Variants in RSPO2 observed in about 807,000 individuals in gnomAD.
RSPO2 encodes R-spondin 2.
A neutral mutation model predicts 30.9 loss-of-function variants in RSPO2; 14 were observed. The ratio of observed to expected loss-of-function variants is 0.45; its 90% CI spans 0.30 to 0.71. The LOEUF is 0.71. Among genes scored for constraint, RSPO2 ranks in the 30% least tolerant of loss-of-function variants. The probability of loss-of-function intolerance (pLI) is 0.08; values close to 1 mark genes in which losing one functional copy is unlikely to be tolerated. For synonymous variants in RSPO2, 107 were observed against 96.4 expected (o/e 1.11, Z -0.64); for missense variants, 264 against 301.9 (o/e 0.87, Z 0.93).
In RSPO2 at chr8:107,900,969, TGG is replaced by T. The variant is rs1428905728; in HGVS notation, c.*104_*105del. On this transcript the variant is annotated 3_prime_UTR_variant, in exon 6 of 6. Coordinates refer to ENST00000276659, the MANE Select transcript of RSPO2 (RefSeq NM_178565.5). ...TCACCATGTTACTGGGAACAGATAC[TGG>T]GCAGAGCAGCACAAAGGCTGCACAC... The T allele has an allele frequency of 9.3e-6, 11 of 1,188,804 alleles. No homozygotes were observed. Among genetic ancestry groups the T allele is most frequent in the Admixed American group, 2.3e-5 (1 of 43,216 alleles). 73.6% of individuals were successfully genotyped at this position (1,188,804 alleles called of 1,614,324 possible). A position where few individuals can be genotyped will look rare whatever the true frequency, so the allele number is the denominator to read the frequency against.
intron 5 of RSPO2, among the ~76,000 whole-genome samples, chr8:107,908,290 G>C (rs924152057): frequency 6.6e-6 from 1 of 152,112 alleles, no homozygotes; most frequent in Non-Finnish European, 1.5e-5. Flanking sequence ...ATTTGGGCTT[G>C]TTTCTTAAAT....
intron 3 of RSPO2, among the ~76,000 whole-genome samples, chr8:107,972,992 C>T (rs1814053742): frequency 6.6e-6 from 1 of 152,076 alleles, no homozygotes; most frequent in African/African-American, 2.4e-5. Flanking sequence ...AGCTGGCGGC[C>T]GAGTGCGGTG....
chr8:108,051,913 G>A (rs1340715186), intron 2 of RSPO2, among the ~76,000 whole-genome samples: 1 of 152,162 alleles, frequency 6.6e-6, no homozygotes, highest in Non-Finnish European at 1.5e-5. Context: ...GGAGGGTGGT[G>A]GAGGCAGGGG....
intron 5 of RSPO2, among the ~76,000 whole-genome samples, chr8:107,943,586 T>C (rs996767742): frequency 8.5e-5 from 13 of 152,168 alleles, no homozygotes; most frequent in Admixed American, 2.6e-4. Context: ...ATGTTTCTGA[T>C]AAAGTAGAAG....
intron 5 of RSPO2, among the ~76,000 whole-genome samples, chr8:107,905,845 T>C (rs1467815738): frequency 6.6e-6 from 1 of 151,944 alleles, no homozygotes; most frequent in Non-Finnish European, 1.5e-5. Flanking sequence ...TATTTAAGAC[T>C]AGTGATTGTC....
At chr8:108,024,048 C>G (rs73321428) in intron 2 of RSPO2, among the ~76,000 whole-genome samples, 22 of 151,992 alleles carry the variant, frequency 1.4e-4, no homozygotes, top group African/African-American at 4.8e-4. Context: ...TGTCCAAATA[C>G]GGTGTGTCCC....
At chr8:107,911,905 AGG>A (rs1389296022) in intron 5 of RSPO2, among the ~76,000 whole-genome samples, 1 of 152,144 alleles carries the variant, frequency 6.6e-6, no homozygotes, top group South Asian at 2.1e-4. Context: ...AGGCTGGAGA[AGG>A]GCATCAGCCT....
At position 107,989,230 on chromosome 8, in the gene RSPO2, T is replaced by G. The variant is rs1814764502; in HGVS notation, c.109A>C (p.Asn37His). Residue 37 changes from asparagine (N) to histidine (H), a missense_variant, in exon 3 of 6, where the codon AAT (asparagine) becomes CAT (histidine). Asn to His is a moderately conservative substitution (Grantham distance 68, BLOSUM62 1). Coordinates refer to ENST00000276659, the MANE Select transcript of RSPO2 (RefSeq NM_178565.5). ...RRSKRASYVS[N>H]PICKGCLSCS... ...GACAAACAACCCTTGCAAATGGGAT[T>G]TGATACATAACTAGCTGTAAAAGAA... is the stretch of plus-strand genomic sequence containing the variant. The G allele has an allele frequency of 6.4e-7, 1 of 1,570,778 alleles. No individual in the cohort carries two copies. The highest frequency in any genetic ancestry group is 1.4e-5 in the African/African-American group (1 of 72,282).
intron 2 of RSPO2, among the ~76,000 whole-genome samples, chr8:108,060,776 G>C (rs533612955): frequency 6.6e-6 from 1 of 151,890 alleles, no homozygotes; most frequent in Admixed American, 6.5e-5. Flanking sequence ...GTTAAGGGCA[G>C]CCAGAGAGAA....
intron 5 of RSPO2, among the ~76,000 whole-genome samples, chr8:107,908,821 A>ATTCTCT (rs1811733808): frequency 2.0e-5 from 3 of 152,234 alleles, no homozygotes; most frequent in Non-Finnish European, 2.9e-5. Context: ...GATTTAGAGA[A>ATTCTCT]AAAGCATTAT....
intron 3 of RSPO2, among the ~76,000 whole-genome samples, chr8:107,973,513 GACACACACAGACACACACTCACACACAC>G (rs1563545528): frequency 3.7e-5 from 3 of 81,066 alleles, no homozygotes. Context: ...TACACACACA[GACACACACAGACACACACTCACACACAC>G]ACACACACAC....
chr8:108,012,957 A>G (rs868607797), intron 2 of RSPO2, among the ~76,000 whole-genome samples: 1 of 152,194 alleles, frequency 6.6e-6, no homozygotes, highest in Non-Finnish European at 1.5e-5. Flanking sequence ...GTCTTGCTAC[A>G]TTGGATCAGG....
At chr8:108,018,540 G>A (rs562550147) in intron 2 of RSPO2, among the ~76,000 whole-genome samples, 1 of 152,238 alleles carries the variant, frequency 6.6e-6, no homozygotes, top group African/African-American at 2.4e-5. Context: ...TCCAGCATTG[G>A]CTAAAATGTA....
chr8:108,013,475 G>T (rs1412711611), intron 2 of RSPO2, among the ~76,000 whole-genome samples: 1 of 152,102 alleles, frequency 6.6e-6, no homozygotes, highest in Non-Finnish European at 1.5e-5. Flanking sequence ...ACTGACTTAA[G>T]ACTACACTAA....
intron 5 of RSPO2, among the ~76,000 whole-genome samples, chr8:107,931,359 T>C (rs1188910974): frequency 6.6e-6 from 1 of 152,148 alleles, no homozygotes; most frequent in Non-Finnish European, 1.5e-5. Context: ...AGTAAAGCCC[T>C]TGGTAATTTG....
At chr8:107,954,631 A>G (rs1353918317) in intron 5 of RSPO2, among the ~76,000 whole-genome samples, 1 of 146,942 alleles carries the variant, frequency 6.8e-6, no homozygotes, top group Non-Finnish European at 1.5e-5. Context: ...ATTTATTTTG[A>G]GACGGAGTCC....
chr8:108,068,840 A>C (rs981755591), intron 2 of RSPO2, among the ~76,000 whole-genome samples: 7 of 152,176 alleles, frequency 4.6e-5, no homozygotes, highest in Non-Finnish European at 1.5e-5. Context: ...TCTCAGAGAG[A>C]GCATGAACCT....
In RSPO2 at chr8:107,900,962, CAG is replaced by C; in HGVS notation, c.*111_*112del. ...CTTCCTTTCACCATGTTACTGGGAA[CAG>C]ATACTGGGCAGAGCAGCACAAAGGC... On this transcript the variant is annotated 3_prime_UTR_variant, in exon 6 of 6. Transcript: ENST00000276659. 9.0e-7 allele frequency: 1 copy of C among 1,110,206 alleles called. No homozygotes were observed. The highest frequency in any genetic ancestry group is 1.3e-6 in the Non-Finnish European group (1 of 776,832). 68.8% of individuals were successfully genotyped at this position (1,110,206 alleles called of 1,614,324 possible). A position where few individuals can be genotyped will look rare whatever the true frequency, so the allele number is the denominator to read the frequency against.
At chr8:107,996,841 T>C (rs146068776) in intron 2 of RSPO2, 2 of 418,858 alleles carry the variant, frequency 4.8e-6, no homozygotes, top group Admixed American at 2.8e-5. Flanking sequence ...AAAGGTATTA[T>C]TAAAAGCATT....
Sources: allele counts gnomAD v4.1 joint callset (sites outside exome capture counted in the v4.1 genomes callset), GRCh38; gene constraint gnomAD v4.1.1; transcripts MANE v1.5; gene names NCBI Gene and HGNC (gene_info 2026-07-23, HGNC 2026-07-21).